The following AAMDC variants were observed in gnomAD, a reference collection of about 807,000 sequenced individuals.
The protein encoded by AAMDC is adipogenesis associated Mth938 domain containing.
Under a neutral mutation model 15.5 loss-of-function variants are expected in AAMDC, and 16 were observed. The observed-to-expected ratio is 1.03, with a 90% CI of 0.70 to 1.57. The LOEUF (loss-of-function observed/expected upper bound fraction) is 1.57, where lower values mean the gene tolerates loss of function less well. Among genes scored for constraint, AAMDC ranks in the 40% most tolerant of loss-of-function variants. The pLI is 0.00. For missense variants in AAMDC, 141 were observed against 144.9 expected (o/e 0.97, Z 0.14); for synonymous variants, 51 against 51.6 (o/e 0.99, Z 0.05).
chr11:77,877,352 ACCT>A (rs1951627467), intron 5 of AAMDC, among the ~76,000 whole-genome samples: 1 of 152,154 alleles, frequency 6.6e-6, no homozygotes, highest in Admixed American at 6.5e-5. Flanking sequence ...TTCCAGCTCC[ACCT>A]CTGAGTAATT....
intron 5 of AAMDC, chr11:77,891,967 G>A (rs1487003179): frequency 5.5e-6 from 8 of 1,454,862 alleles, no homozygotes; most frequent in African/African-American, 1.4e-5. Context: ...TGCAGTTTAC[G>A]ACCAAGATAG....
At chr11:77,888,410 T>C (rs1316522072) in intron 5 of AAMDC, among the ~76,000 whole-genome samples, 8 of 152,182 alleles carry the variant, frequency 5.3e-5, no homozygotes, top group Admixed American at 2.0e-4. Context: ...TTATGCCTTA[T>C]ACAAAAATTA....
chr11:77,878,176 C>T (rs980438004), intron 5 of AAMDC, among the ~76,000 whole-genome samples: 2 of 152,048 alleles, frequency 1.3e-5, no homozygotes, highest in South Asian at 2.1e-4. Context: ...TCCTGGCTAA[C>T]ATGGTGAAAC....
At chr11:77,831,311 T>TA (rs1949415251) in intron 1 of AAMDC, among the ~76,000 whole-genome samples, 1 of 149,046 alleles carries the variant, frequency 6.7e-6, no homozygotes. Context: ...ATGATAAACA[T>TA]AAAGTTACTT....
At chr11:77,846,699 T>G (rs1347036950) in intron 2 of AAMDC, among the ~76,000 whole-genome samples, 1 of 152,150 alleles carries the variant, frequency 6.6e-6, no homozygotes, top group Non-Finnish European at 1.5e-5. Flanking sequence ...AGAGTGAAAC[T>G]ACATCTCATA....
At chr11:77,876,929 GTTC>G, downstream of AAMDC, 1 of 702,886 alleles carries the variant, frequency 1.4e-6, no homozygotes, top group Non-Finnish European at 2.6e-6. Flanking sequence ...AGCAGCCATG[GTTC>G]TTCATGTTTT....
chr11:77,873,367 T>G (rs1351600389), downstream of AAMDC, among the ~76,000 whole-genome samples: 1 of 152,230 alleles, frequency 6.6e-6, no homozygotes, highest in Non-Finnish European at 1.5e-5. Flanking sequence ...GTTGTCCTTA[T>G]CTTTCTATTA....
intron 5 of AAMDC, among the ~76,000 whole-genome samples, chr11:77,892,579 A>AT (rs1321487463): frequency 6.6e-6 from 1 of 151,734 alleles, no homozygotes; most frequent in African/African-American, 2.4e-5. Flanking sequence ...CAAAACTAGA[A>AT]TTTTTTTTTA....
intron 5 of AAMDC, among the ~76,000 whole-genome samples, chr11:77,893,440 T>TA (rs903561678): frequency 1.3e-5 from 2 of 151,652 alleles, no homozygotes; most frequent in Non-Finnish European, 1.5e-5. Flanking sequence ...ACCCCATCTC[T>TA]AAAAAAAATA....
chr11:77,838,262 C>T (rs915860633), intron 1 of AAMDC, among the ~76,000 whole-genome samples: 15 of 152,048 alleles, frequency 9.9e-5, no homozygotes, highest in East Asian at 1.9e-4. Flanking sequence ...GGTTATAGTA[C>T]GGTTATTTAA....
chr11:77,844,524 C>A (rs953248671), intron 2 of AAMDC, among the ~76,000 whole-genome samples: 19 of 151,886 alleles, frequency 1.3e-4, no homozygotes, highest in African/African-American at 4.4e-4. Context: ...TCACACCTGG[C>A]TTATTTTTTT....
chr11:77,858,738 T>C (rs600968), intron 2 of AAMDC, among the ~76,000 whole-genome samples: 61,047 of 151,906 alleles, frequency 0.4, 12,901 homozygotes, highest in African/African-American at 0.52. Context: ...GAGATTTCCT[T>C]GGGAGGGATG....
rs571558505 is a variant in AAMDC at position 77,837,891 on chromosome 11, A to AAAAT, written c.-18-4568_-18-4565dup. On this transcript the variant is annotated intron_variant, in intron 1 of 3. Coordinates refer to ENST00000393427, the MANE Select transcript of AAMDC (RefSeq NM_024684.4). Reference sequence around the variant, plus strand: ...GCAACATAGTGAGACCCTGGCTCTAAAAATAAATAAATAAATAAATAAAAT... The same window carrying AAAAT: ...GCAACATAGTGAGACCCTGGCTCTAAAAATAAATAAATAAATAAATAAATAAAAT... Among the ~76,000 whole-genome samples, 1,237 of 152,146 alleles carry AAAAT rather than the reference A, an allele frequency of 8.1e-3. 14 individuals carry two copies. The highest frequency in any genetic ancestry group is 0.026 in the African/African-American group (1,092 of 41,478).
At chr11:77,849,399 A>G (rs538015625) in intron 2 of AAMDC, among the ~76,000 whole-genome samples, 28 of 151,600 alleles carry the variant, frequency 1.8e-4, no homozygotes, top group African/African-American at 6.8e-4. Flanking sequence ...TTTCTTTTGT[A>G]TTTTTAGTAA....
At chr11:77,873,572 G>C (rs1423209896), downstream of AAMDC, among the ~76,000 whole-genome samples, 1 of 152,206 alleles carries the variant, frequency 6.6e-6, no homozygotes, top group East Asian at 1.9e-4. Flanking sequence ...GGCCCTGGGG[G>C]AATAAGGATG....
chr11:77,833,009 A>ATTTTT (rs781247642), intron 1 of AAMDC, among the ~76,000 whole-genome samples: 643 of 60,002 alleles, frequency 0.011, 69 homozygotes, highest in South Asian at 0.017. Flanking sequence ...ATATATATAT[A>ATTTTT]TTTTTTTTTT....
At chr11:77,860,072 A>AG (rs1468315774) in intron 2 of AAMDC, among the ~76,000 whole-genome samples, 2 of 152,230 alleles carry the variant, frequency 1.3e-5, no homozygotes, top group Non-Finnish European at 2.9e-5. Context: ...GGTATGCCAC[A>AG]GGTTGCAAGC....
At chr11:77,832,352 G>A (rs954018446) in intron 1 of AAMDC, among the ~76,000 whole-genome samples, 13 of 149,654 alleles carry the variant, frequency 8.7e-5, no homozygotes, top group Admixed American at 5.3e-4. Context: ...TTGAGACGGC[G>A]TTTCGCTCTT....
chr11:77,879,252 C>T, intron 5 of AAMDC: 1 of 953,884 alleles, frequency 1.0e-6, no homozygotes, highest in South Asian at 1.6e-5. Flanking sequence ...GTCTACATTC[C>T]CTCCCCTTAC....
Sources: allele counts gnomAD v4.1 joint callset (sites outside exome capture counted in the v4.1 genomes callset), GRCh38; gene constraint gnomAD v4.1.1; transcripts MANE v1.5; gene names NCBI Gene and HGNC (gene_info 2026-07-23, HGNC 2026-07-21).